PPP1R12B: variants seen among roughly 807,000 people sequenced by gnomAD.
The protein encoded by PPP1R12B is protein phosphatase 1 regulatory subunit 12B, also known as myosin phosphatase target subunit 2.
PPP1R12B carries 76 observed loss-of-function variants against 126.1 expected under a neutral mutation model. The observed-to-expected ratio is 0.60, with a 90% CI of 0.50 to 0.73. PPP1R12B has a LOEUF of 0.73. Ranked by LOEUF, PPP1R12B falls within the 30% of genes least tolerant of loss-of-function variation. PPP1R12B has a pLI of 0.00. For missense variants in PPP1R12B, 1,052 were observed against 1,205.1 expected (o/e 0.87, Z 1.88); for synonymous variants, 356 against 434.7 (o/e 0.82, Z 2.25).
At chr1:202,515,255 T>A (rs192877014) in intron 18 of PPP1R12B, among the ~76,000 whole-genome samples, 7 of 152,246 alleles carry the variant, frequency 4.6e-5, no homozygotes, top group Non-Finnish European at 1.0e-4. Flanking sequence ...AGTTTACCTA[T>A]GTAACAAACC....
At chr1:202,401,669 T>C (rs1301246620) in intron 1 of PPP1R12B, among the ~76,000 whole-genome samples, 6 of 152,236 alleles carry the variant, frequency 3.9e-5, no homozygotes, top group Non-Finnish European at 7.3e-5. Context: ...ACATCAACCC[T>C]GAAATAAAAA....
intron 18 of PPP1R12B, among the ~76,000 whole-genome samples, chr1:202,548,808 C>CTCTCTCTCTCTCTCTCTATATA (rs1218548068): frequency 1.4e-5 from 1 of 72,970 alleles, no homozygotes. Context: ...CTCTCTCTCT[C>CTCTCTCTCTCTCTCTCTATATA]TATATATATA....
At chr1:202,439,502 G>C in intron 10 of PPP1R12B, 1 of 1,529,080 alleles carries the variant, frequency 6.5e-7, no homozygotes, top group Non-Finnish European at 8.9e-7. Flanking sequence ...GGAAGTGGCT[G>C]TTTGGGGCGA....
At position 202,435,986 on chromosome 1, in the gene PPP1R12B, G is replaced by T. The variant is rs184365668; in HGVS notation, c.1254+1218G>T. On this transcript the variant is annotated intron_variant, in intron 9 of 23. Coordinates refer to ENST00000608999, the MANE Select transcript of PPP1R12B (RefSeq NM_002481.4). Reference sequence around the variant, plus strand: ...AGAAAAATACTAAATTAGACAGGGTGCAGTGGCTCACACCTATAATCTCAG... The same window carrying T: ...AGAAAAATACTAAATTAGACAGGGTTCAGTGGCTCACACCTATAATCTCAG... Among the ~76,000 whole-genome samples, 750 of 152,270 alleles carry T rather than the reference G, an allele frequency of 4.9e-3. 11 individuals carry two copies. Among genetic ancestry groups the T allele is most frequent in the African/African-American group, 0.017 (686 of 41,548 alleles).
chr1:202,481,191 A>G (rs1677314706), intron 13 of PPP1R12B, among the ~76,000 whole-genome samples: 1 of 152,216 alleles, frequency 6.6e-6, no homozygotes, highest in South Asian at 2.1e-4. Flanking sequence ...CCTGCTGTAC[A>G]GCGTGGTTCC....
chr1:202,439,174 G>T, intron 10 of PPP1R12B: 1 of 1,569,294 alleles, frequency 6.4e-7, no homozygotes. Flanking sequence ...TGGCGGCCTC[G>T]CAGCTGAAGC....
intron 18 of PPP1R12B, among the ~76,000 whole-genome samples, chr1:202,550,390 A>AT (rs1384419507): frequency 2.0e-5 from 3 of 152,220 alleles, no homozygotes; most frequent in Non-Finnish European, 4.4e-5. Flanking sequence ...CAGTAACATC[A>AT]TGACAGGCTA....
At chr1:202,349,285 T>G in intron 1 of PPP1R12B, 143 bp downstream of exon 1, 1 of 984,102 alleles carries the variant, frequency 1.0e-6, no homozygotes, top group Non-Finnish European at 1.5e-6. Context: ...GGTTTCATTC[T>G]TGGCCAGCTT....
chr1:202,572,731 A>G (rs1434737111), intron 23 of PPP1R12B, among the ~76,000 whole-genome samples: 2 of 152,132 alleles, frequency 1.3e-5, no homozygotes, highest in East Asian at 1.9e-4. Context: ...AGGTCCTTGC[A>G]TGAGAGGGAC....
chr1:202,487,842 AGGT>A (rs1678356615), intron 13 of PPP1R12B, among the ~76,000 whole-genome samples: 1 of 152,170 alleles, frequency 6.6e-6, no homozygotes, highest in South Asian at 2.1e-4. Context: ...TCCTGACCTC[AGGT>A]GATCCTCCCA....
Position 202,437,806 on chromosome 1 carries a change from T to G in PPP1R12B, c.1255-15T>G. ...AGCCTTTATTTTTCATTTCTTTTAT[T>G]TGCTTCTCTCATAGTTCTCTTCTGG... is the stretch of plus-strand genomic sequence containing the variant. On this transcript the variant is annotated splice_polypyrimidine_tract_variant and intron_variant, in intron 9 of 23. Coordinates refer to ENST00000608999, the MANE Select transcript of PPP1R12B (RefSeq NM_002481.4). 1 of 1,575,792 alleles carries G rather than the reference T, an allele frequency of 6.3e-7. No homozygotes were observed. The highest frequency in any genetic ancestry group is 8.6e-7 in the Non-Finnish European group (1 of 1,160,054).
intron 18 of PPP1R12B, chr1:202,501,962 T>A (rs1172098936): frequency 1.0e-6 from 1 of 985,606 alleles, no homozygotes; most frequent in Admixed American, 6.1e-5. Context: ...GTATCAAGAT[T>A]CAGTGGGTAG....
At chr1:202,475,609 TC>T (rs1676529910) in intron 13 of PPP1R12B, among the ~76,000 whole-genome samples, 1 of 152,184 alleles carries the variant, frequency 6.6e-6, no homozygotes, top group Non-Finnish European at 1.5e-5. Flanking sequence ...ATGGTTAAAA[TC>T]CCTTTAGGTA....
Position 202,348,755 on chromosome 1 carries a change from C to T in PPP1R12B, c.-97C>T. ...GCGCGAGGGTCTCCGCCCTCTGCTC[C>T]GGGCTGAAGCGCTCTGAGAGAGGCG... On this transcript the variant is annotated 5_prime_UTR_variant, in exon 1 of 24. Coordinates refer to ENST00000608999, the MANE Select transcript of PPP1R12B (RefSeq NM_002481.4). The T allele has an allele frequency of 2.1e-6, 3 of 1,431,754 alleles. No individual in the cohort carries two copies. The highest frequency in any genetic ancestry group is 1.5e-5 in the South Asian group (1 of 68,292). The allele number at this position is 1,431,754 out of a possible 1,614,324, so 88.7% of individuals were successfully genotyped here.
At chr1:202,494,028 A>G (rs762223134) in intron 15 of PPP1R12B, among the ~76,000 whole-genome samples, 2 of 152,216 alleles carry the variant, frequency 1.3e-5, no homozygotes, top group African/African-American at 2.4e-5. Flanking sequence ...GATGGTTCCA[A>G]TTACAACTGT....
chr1:202,483,330 A>G (rs1196935971), intron 13 of PPP1R12B, among the ~76,000 whole-genome samples: 4 of 147,284 alleles, frequency 2.7e-5, no homozygotes, highest in African/African-American at 1.0e-4. Context: ...CCCAGGCCAG[A>G]ATGCAGTAGG....
intron 1 of PPP1R12B, among the ~76,000 whole-genome samples, chr1:202,404,423 C>T (rs1666295275): frequency 6.6e-6 from 1 of 152,064 alleles, no homozygotes; most frequent in Non-Finnish European, 1.5e-5. Context: ...GCTTCAGATT[C>T]TCTTCATCGC....
intron 10 of PPP1R12B, chr1:202,438,399 G>A: frequency 1.7e-6 from 1 of 590,164 alleles, no homozygotes; most frequent in Non-Finnish European, 2.8e-6. Flanking sequence ...CAGCGGCATG[G>A]CTTCGTGTGC....
At chr1:202,417,692 A>C (rs1007407570) in intron 2 of PPP1R12B, among the ~76,000 whole-genome samples, 6 of 152,188 alleles carry the variant, frequency 3.9e-5, no homozygotes, top group Non-Finnish European at 5.9e-5. Context: ...TGTTAAGGTA[A>C]ATTTCCTAAA....
Sources: gnomAD v4.1 joint callset for allele counts (sites outside exome capture counted in the v4.1 genomes callset) on GRCh38, gnomAD v4.1.1 for gene constraint, MANE v1.5 for transcripts, NCBI Gene and HGNC (gene_info 2026-07-23, HGNC 2026-07-21) for gene names.